The following RALGAPA1 variants were observed in gnomAD, a reference collection of about 807,000 sequenced individuals.
The protein encoded by RALGAPA1 is Ral GTPase activating protein catalytic subunit alpha 1, also known as ral GTPase-activating protein subunit alpha-1.
Under a neutral mutation model 269.6 loss-of-function variants are expected in RALGAPA1, and 52 were observed. That is an observed-to-expected ratio of 0.19 (90% CI 0.15 to 0.24). The LOEUF (loss-of-function observed/expected upper bound fraction) is 0.24, where lower values mean the gene tolerates loss of function less well. Ranked by LOEUF, RALGAPA1 falls within the 10% of genes least tolerant of loss-of-function variation. The pLI, the probability that RALGAPA1 is intolerant of heterozygous loss-of-function variation, is 1.00. For synonymous variants in RALGAPA1, 817 were observed against 1,008.3 expected (o/e 0.81, Z 3.60); for missense variants, 1,917 against 3,013.9 (o/e 0.64, Z 8.52).
At chr14:35,782,161 A>G (rs891925579) in intron 1 of RALGAPA1, among the ~76,000 whole-genome samples, 5 of 152,222 alleles carry the variant, frequency 3.3e-5, no homozygotes, top group African/African-American at 1.2e-4. Flanking sequence ...AGAAAAATCA[A>G]CTGTATTTCT....
intron 41 of RALGAPA1, among the ~76,000 whole-genome samples, chr14:35,543,612 T>A (rs2054202331): frequency 6.6e-6 from 1 of 152,198 alleles, no homozygotes; most frequent in Non-Finnish European, 1.5e-5. Flanking sequence ...GCACTGAATA[T>A]CATAAAGGAA....
chr14:35,612,729 G>A (rs2060029650), intron 35 of RALGAPA1, among the ~76,000 whole-genome samples: 1 of 151,896 alleles, frequency 6.6e-6, no homozygotes. Flanking sequence ...TAGTAGAGAT[G>A]GGGTTTCACC....
At chr14:35,681,554 C>T (rs536235842) in intron 21 of RALGAPA1, among the ~76,000 whole-genome samples, 1 of 152,174 alleles carries the variant, frequency 6.6e-6, no homozygotes, top group East Asian at 1.9e-4. Flanking sequence ...TAAAAAATAT[C>T]TTTTTCTTCT....
chr14:35,708,505 C>T (rs2140778849), intron 16 of RALGAPA1, among the ~76,000 whole-genome samples: 1 of 152,250 alleles, frequency 6.6e-6, no homozygotes, highest in African/African-American at 2.4e-5. Context: ...AAAAGGTGCT[C>T]TACATCACTG....
intron 39 of RALGAPA1, among the ~76,000 whole-genome samples, chr14:35,561,194 T>G (rs909825861): frequency 1.8e-5 from 2 of 111,628 alleles, no homozygotes; most frequent in African/African-American, 7.0e-5. Context: ...GCCACTGCAC[T>G]CCAGCCTGGG....
chr14:35,608,469 A>G (rs1188834619), intron 35 of RALGAPA1, among the ~76,000 whole-genome samples: 1 of 152,244 alleles, frequency 6.6e-6, no homozygotes, highest in African/African-American at 2.4e-5. Context: ...AACCAACAAT[A>G]TATTTTTGGA....
intron 31 of RALGAPA1, among the ~76,000 whole-genome samples, chr14:35,642,007 C>A (rs2062062140): frequency 6.6e-6 from 1 of 152,146 alleles, no homozygotes. Flanking sequence ...AGGACAGTCT[C>A]TTCAATATAT....
chr14:35,637,029 T>C (rs996518119), intron 31 of RALGAPA1, among the ~76,000 whole-genome samples: 2 of 152,096 alleles, frequency 1.3e-5, no homozygotes, highest in African/African-American at 4.8e-5. Context: ...AAAAGTATAC[T>C]GGTAGATCAG....
intron 38 of RALGAPA1, among the ~76,000 whole-genome samples, chr14:35,571,399 T>C (rs1057451576): frequency 2.0e-5 from 3 of 152,006 alleles, no homozygotes; most frequent in Non-Finnish European, 4.4e-5. Context: ...TTTAATTCTT[T>C]AAGGCTGGGC....
intron 13 of RALGAPA1, 138 bp downstream of exon 13, chr14:35,728,224 A>T: frequency 1.2e-6 from 1 of 827,462 alleles, no homozygotes; most frequent in Non-Finnish European, 1.6e-6. Context: ...CACTATGATT[A>T]ATTTTATATT....
chr14:35,558,980 G>C (rs1175184388), intron 39 of RALGAPA1, among the ~76,000 whole-genome samples: 1 of 152,134 alleles, frequency 6.6e-6, no homozygotes, highest in African/African-American at 2.4e-5. Flanking sequence ...TTATCACTAA[G>C]AATCAGGATC....
intron 30 of RALGAPA1, among the ~76,000 whole-genome samples, chr14:35,653,873 G>A (rs2063006052): frequency 1.3e-5 from 2 of 152,136 alleles, no homozygotes; most frequent in Admixed American, 1.3e-4. Context: ...AAAAAATAAT[G>A]ACCTGATTGT....
At chr14:35,759,764 T>C (rs550696380) in intron 6 of RALGAPA1, among the ~76,000 whole-genome samples, 17 of 151,660 alleles carry the variant, frequency 1.1e-4, no homozygotes, top group Non-Finnish European at 2.5e-4. Context: ...ACAAAAAAAT[T>C]AGCTGGGCAT....
chr14:35,796,847 C>A (rs958397822), intron 1 of RALGAPA1, among the ~76,000 whole-genome samples: 12 of 151,810 alleles, frequency 7.9e-5, no homozygotes, highest in African/African-American at 2.7e-4. Context: ...GTGGCACGAT[C>A]TCGGATCTTG....
At chr14:35,801,244 GACACACACACACAC>G (rs201700521) in intron 1 of RALGAPA1, among the ~76,000 whole-genome samples, 80 of 135,106 alleles carry the variant, frequency 5.9e-4, no homozygotes, top group East Asian at 1.7e-3. Context: ...TATATACACA[GACACACACACACAC>G]ACACACACAC....
At chr14:35,723,922 C>T (rs1428804498) in intron 14 of RALGAPA1, 1 of 151,994 alleles carries the variant, frequency 6.6e-6, no homozygotes, top group Non-Finnish European at 1.5e-5. Flanking sequence ...AGAAACAAGT[C>T]ATAAAATAAC....
chr14:35,671,875 A>C (rs1452058537), intron 25 of RALGAPA1, among the ~76,000 whole-genome samples: 10 of 152,214 alleles, frequency 6.6e-5, no homozygotes, highest in Non-Finnish European at 7.3e-5. Flanking sequence ...TCTGTGCAAT[A>C]ACTCTCATTT....
intron 35 of RALGAPA1, among the ~76,000 whole-genome samples, chr14:35,616,716 G>A (rs1306868388): frequency 6.6e-6 from 1 of 152,148 alleles, no homozygotes; most frequent in African/African-American, 2.4e-5. Context: ...CACCTATGAA[G>A]TTAAATTTAA....
chr14:35,702,571 T>C lies in RALGAPA1; in HGVS notation c.2267-2269A>G, dbSNP rs539423237. 4.6e-5 allele frequency among the ~76,000 whole-genome samples: 7 copies of C among 152,214 alleles called. No individual in the cohort carries two copies. The East Asian group carries it at 1.4e-3, about 29-fold the overall frequency. On this transcript the variant is annotated intron_variant, in intron 16 of 41. Transcript: ENST00000680220. ...GAGAAAGTAACCAACAATTTTATAA[T>C]CTAATTTGAAACAAAAGTTACGTTG...
Sources: gnomAD v4.1 joint callset for allele counts (sites outside exome capture counted in the v4.1 genomes callset) on GRCh38, gnomAD v4.1.1 for gene constraint, MANE v1.5 for transcripts, NCBI Gene and HGNC (gene_info 2026-07-23, HGNC 2026-07-21) for gene names.